Variants in MYRFL observed in about 807,000 individuals in gnomAD.
The protein encoded by MYRFL is myelin regulatory factor like.
MYRFL carries 88 observed loss-of-function variants against 109.4 expected under a neutral mutation model. The observed-to-expected ratio is 0.80, with a 90% CI of 0.68 to 0.96. The LOEUF is 0.96. Ranked by LOEUF, MYRFL falls within the 40% of genes least tolerant of loss-of-function variation. The pLI is 0.00. For synonymous variants in MYRFL, 324 were observed against 320.9 expected, an observed-to-expected ratio of 1.01 and a Z score of -0.10; for missense variants, 957 against 954.9, an observed-to-expected ratio of 1.00 and a Z score of -0.03.
At chr12:69,906,572 G>T (rs199671256) in intron 11 of MYRFL, among the ~76,000 whole-genome samples, 1 of 152,006 alleles carries the variant, frequency 6.6e-6, no homozygotes, top group Non-Finnish European at 1.5e-5. Context: ...GCCAGAAAAG[G>T]GAATCGTTAA....
At chr12:69,939,632 G>C (rs1955580353) in intron 19 of MYRFL, among the ~76,000 whole-genome samples, 1 of 152,196 alleles carries the variant, frequency 6.6e-6, no homozygotes, top group Admixed American at 6.5e-5. Context: ...AAAAATCAGA[G>C]CGCCTCTCCT....
intron 13 of MYRFL, among the ~76,000 whole-genome samples, chr12:69,915,683 A>ACT: frequency 6.6e-6 from 1 of 152,194 alleles, no homozygotes; most frequent in South Asian, 2.1e-4. Context: ...TGCCCTAGTG[A>ACT]AGGCCCAGTG....
intron 1 of MYRFL, among the ~76,000 whole-genome samples, chr12:69,833,703 C>CT: frequency 6.6e-6 from 1 of 152,234 alleles, no homozygotes; most frequent in East Asian, 1.9e-4. Context: ...GGACAGAAGT[C>CT]TGTCTGGCTC....
At chr12:69,829,619 T>A (rs866862625) in intron 1 of MYRFL, among the ~76,000 whole-genome samples, 1 of 152,114 alleles carries the variant, frequency 6.6e-6, no homozygotes, top group Admixed American at 6.6e-5. Context: ...CAAGCAGATA[T>A]TGAATTCTAA....
intron 9 of MYRFL, among the ~76,000 whole-genome samples, chr12:69,896,048 C>T (rs1953981957): frequency 6.6e-6 from 1 of 152,158 alleles, no homozygotes; most frequent in Non-Finnish European, 1.5e-5. Flanking sequence ...CCAGGTGACA[C>T]TGATACATAC....
In MYRFL at chr12:69,831,782, C is replaced by T. The variant is rs143901682; in HGVS notation, c.46+6219C>T. Among the ~76,000 whole-genome samples the T allele has an allele frequency of 1.6e-3, 240 of 152,164 alleles. 1 individual carries two copies. Among genetic ancestry groups the T allele is most frequent in the African/African-American group, 5.0e-3 (209 of 41,524 alleles). On this transcript the variant is annotated intron_variant, in intron 1 of 24. Transcript: ENST00000552032. ...TGACAGAGGTTAGGTAACTTGCTTG[C>T]GGGTTATCCACATAGTAAGTGGCTG... is the stretch of plus-strand genomic sequence containing the variant.
intron 5 of MYRFL, among the ~76,000 whole-genome samples, chr12:69,881,102 T>A (rs1886076452): frequency 6.9e-6 from 1 of 145,396 alleles, no homozygotes; most frequent in African/African-American, 2.6e-5. Context: ...GGGAAAAGGA[T>A]AACACTCTAG....
At chr12:69,878,277 A>G (rs1034577784) in intron 2 of MYRFL, among the ~76,000 whole-genome samples, 1 of 150,708 alleles carries the variant, frequency 6.6e-6, no homozygotes, top group African/African-American at 2.4e-5. Flanking sequence ...GCACTTCAAT[A>G]TATAAAACAG....
rs1954543569 is a variant in MYRFL at position 69,910,803 on chromosome 12, G to A, written c.1493-18G>A. 6.7e-7 allele frequency: 1 copy of A among 1,486,108 alleles called. No homozygotes were observed. The highest frequency in any genetic ancestry group is 9.1e-7 in the Non-Finnish European group (1 of 1,102,698). The allele number at this position is 1,486,108 out of a possible 1,614,324, so 92.1% of individuals were successfully genotyped here. Reference sequence around the variant, plus strand: ...ATCTTTCTTTGAAGATTAAACCTGTGGAGTGTTTTGTATACAGGAATGATT... The same window carrying A: ...ATCTTTCTTTGAAGATTAAACCTGTAGAGTGTTTTGTATACAGGAATGATT... On this transcript the variant is annotated intron_variant, in intron 12 of 24. Transcript: ENST00000552032.
At chr12:69,882,319 GA>G (rs72350706) in intron 5 of MYRFL, among the ~76,000 whole-genome samples, 23,353 of 150,664 alleles carry the variant, frequency 0.16, 2,274 homozygotes, top group African/African-American at 0.28. Context: ...AAGAAAGAAA[GA>G]AAAAAAAGAC....
intron 1 of MYRFL, among the ~76,000 whole-genome samples, chr12:69,848,091 C>T (rs2136319375): frequency 6.6e-6 from 1 of 152,066 alleles, no homozygotes; most frequent in Middle Eastern, 3.4e-3. Context: ...TTTTCATGGA[C>T]ATAAAATGAT....
At chr12:69,931,647 A>C (rs1183356988) in intron 15 of MYRFL, among the ~76,000 whole-genome samples, 3 of 64,294 alleles carry the variant, frequency 4.7e-5, no homozygotes, top group African/African-American at 1.3e-4. Context: ...GCATGACTCT[A>C]TCCCAAATTC....
At chr12:69,944,992 G>T (rs114876788) in intron 19 of MYRFL, among the ~76,000 whole-genome samples, 1 of 150,252 alleles carries the variant, frequency 6.7e-6, no homozygotes, top group Non-Finnish European at 1.5e-5. Context: ...TTTTTTTAAC[G>T]AAAATAAAAT....
intron 2 of MYRFL, among the ~76,000 whole-genome samples, chr12:69,871,880 C>A (rs921017513): frequency 6.6e-6 from 1 of 152,080 alleles, no homozygotes; most frequent in Non-Finnish European, 1.5e-5. Context: ...ATAATCAATT[C>A]TTTTCCTCGT....
intron 19 of MYRFL, among the ~76,000 whole-genome samples, chr12:69,940,623 A>G (rs1259789458): frequency 6.6e-6 from 1 of 152,208 alleles, no homozygotes; most frequent in Admixed American, 6.5e-5. Context: ...AAACTGCATC[A>G]ACTAACGAGC....
Position 69,897,176 on chromosome 12 carries a change from G to T in MYRFL, c.1112G>T (p.Gly371Val). ...ATTAGATACTTCATGTTGGTGGTTG[G>T]ACTGTATGCTGCTAACCAAGACCAG... ...PDQRYFMLVV[G>V]LYAANQDQFY... Residue 371 changes from glycine (G) to valine (V), a missense_variant, in exon 10 of 25, where the codon GGA becomes GTA. Coordinates refer to ENST00000552032, the MANE Select transcript of MYRFL (RefSeq NM_182530.3). 4.6e-6 allele frequency: 7 copies of T among 1,535,702 alleles called. No homozygotes were observed. Among genetic ancestry groups the T allele is most frequent in the Non-Finnish European group, 6.1e-6 (7 of 1,146,608 alleles).
intron 10 of MYRFL, 89 bp downstream of exon 10, chr12:69,897,335 G>A: frequency 1.1e-6 from 1 of 916,488 alleles, no homozygotes; most frequent in Admixed American, 2.0e-5. Context: ...GCTTGAATAT[G>A]CTATTTCGAT....
chr12:69,849,966 C>T (rs1883784282), intron 1 of MYRFL, among the ~76,000 whole-genome samples: 2 of 152,162 alleles, frequency 1.3e-5, no homozygotes, highest in South Asian at 2.1e-4. Context: ...ACCCAAATCT[C>T]ATCTTGTAGC....
chr12:69,952,019 C>T, intron 19 of MYRFL, 94 bp from the exon 20 acceptor site: 1 of 977,654 alleles, frequency 1.0e-6, no homozygotes, highest in African/African-American at 1.6e-5. Flanking sequence ...GGTGGGGGAA[C>T]ACTCAACTCA....
Sources: allele counts gnomAD v4.1 joint callset (sites outside exome capture counted in the v4.1 genomes callset), GRCh38; gene constraint gnomAD v4.1.1; transcripts MANE v1.5; gene names NCBI Gene and HGNC (gene_info 2026-07-23, HGNC 2026-07-21).